Variants in IGF2BP2 observed in about 807,000 individuals in gnomAD.
The protein encoded by IGF2BP2 is insulin like growth factor 2 mRNA binding protein 2.
Under a neutral mutation model 75.8 loss-of-function variants are expected in IGF2BP2, and 17 were observed. The observed-to-expected ratio is 0.22, with a 90% CI of 0.15 to 0.34. The LOEUF (loss-of-function observed/expected upper bound fraction) is 0.34, where lower values mean the gene tolerates loss of function less well. IGF2BP2 is among the 10% of genes least tolerant of loss of function. IGF2BP2 has a pLI of 1.00. For missense variants in IGF2BP2, 516 were observed against 772.4 expected, an observed-to-expected ratio of 0.67 and a Z score of 3.93; for synonymous variants, 288 against 295.6, an observed-to-expected ratio of 0.97 and a Z score of 0.26.
At chr3:185,809,828 T>C (rs906494393) in intron 2 of IGF2BP2, among the ~76,000 whole-genome samples, 2 of 152,172 alleles carry the variant, frequency 1.3e-5, no homozygotes, top group African/African-American at 4.8e-5. Flanking sequence ...AATCTTAATT[T>C]ATCCAAAAAT....
At chr3:185,752,548 TAC>T (rs1731096574) in intron 2 of IGF2BP2, among the ~76,000 whole-genome samples, 1 of 152,194 alleles carries the variant, frequency 6.6e-6, no homozygotes, top group Non-Finnish European at 1.5e-5. Context: ...GAGTACACTT[TAC>T]ACACATTCCC....
At chr3:185,792,756 A>T (rs1736824925) in intron 2 of IGF2BP2, among the ~76,000 whole-genome samples, 1 of 147,412 alleles carries the variant, frequency 6.8e-6, no homozygotes, top group Non-Finnish European at 1.5e-5. Flanking sequence ...AGAGAACAAG[A>T]CTCCGTCTCA....
At chr3:185,768,770 G>A (rs1239708881) in intron 2 of IGF2BP2, among the ~76,000 whole-genome samples, 1 of 152,188 alleles carries the variant, frequency 6.6e-6, no homozygotes, top group African/African-American at 2.4e-5. Flanking sequence ...TGGCTTTTAC[G>A]CCTGTCATCC....
intron 2 of IGF2BP2, among the ~76,000 whole-genome samples, chr3:185,743,307 G>C (rs927518283): frequency 1.3e-5 from 2 of 151,832 alleles, no homozygotes; most frequent in African/African-American, 2.4e-5. Context: ...ACAGAGTCTT[G>C]CTCTGTTGCC....
chr3:185,748,319 T>C (rs560144691), intron 2 of IGF2BP2, among the ~76,000 whole-genome samples: 108 of 152,342 alleles, frequency 7.1e-4, no homozygotes, highest in African/African-American at 2.6e-3. Context: ...ATATACTGCC[T>C]GCCTGTACTC....
In IGF2BP2 at chr3:185,672,597, A is replaced by T; in HGVS notation, c.1144T>A (p.Ser382Thr). ...GCTCCGCGGGGCCCTGCTGGTGGAGATAGCACGGACAGTCCTGTTGAAAAG... is the reference window on the plus strand; with the variant it reads ...GCTCCGCGGGGCCCTGCTGGTGGAGTTAGCACGGACAGTCCTGTTGAAAAG... ...GIFSTGLSVL[S>T]PPAGPRGAPP... is the part of the protein sequence containing the mutation. The change falls in exon 10 of 16, where the codon TCT becomes ACT. Residue 382 changes from serine (S) to threonine (T), a missense_variant. Ser to Thr is a moderately conservative substitution (Grantham distance 58). This residue lies in a region of IGF2BP2 where 75 missense variants were observed against 67.4 expected (regional missense o/e 1.11). Transcript: ENST00000382199. 1 of 1,613,576 alleles carries T rather than the reference A, an allele frequency of 6.2e-7. No homozygotes were observed. The highest frequency in any genetic ancestry group is 2.2e-5 in the East Asian group (1 of 44,876).
intron 2 of IGF2BP2, among the ~76,000 whole-genome samples, chr3:185,783,146 G>A (rs1233537251): frequency 1.3e-5 from 2 of 152,204 alleles, no homozygotes; most frequent in South Asian, 4.1e-4. Flanking sequence ...ATGATTCACA[G>A]TTGAGACACA....
rs1491443229 is a variant in IGF2BP2 at position 185,810,781 on chromosome 3, AAC to A, written c.239+12370_239+12371del. ...AGCGAGACTCTGTCTCAAAAAAAAA[AAC>A]AACAAAAAACAAAAACTAAAAAACA... On this transcript the variant is annotated intron_variant, in intron 2 of 15. Transcript: ENST00000382199. Among the ~76,000 whole-genome samples the A allele has an allele frequency of 1.7e-4, 24 of 138,772 alleles. 1 individual carries two copies. Among genetic ancestry groups the A allele is most frequent in the African/African-American group, 4.1e-4 (13 of 32,054 alleles). The allele number at this position is 138,772 out of a possible 152,430, so 91.0% of individuals were successfully genotyped here. A position where few individuals can be genotyped will look rare whatever the true frequency, so the allele number is the denominator to read the frequency against.
At chr3:185,748,945 C>T (rs1730613146) in intron 2 of IGF2BP2, among the ~76,000 whole-genome samples, 1 of 152,214 alleles carries the variant, frequency 6.6e-6, no homozygotes, top group Non-Finnish European at 1.5e-5. Flanking sequence ...AGGCTGATCA[C>T]TTGAGGTCAG....
intron 10 of IGF2BP2, among the ~76,000 whole-genome samples, chr3:185,670,856 C>T (rs1718398214): frequency 6.6e-6 from 1 of 152,196 alleles, no homozygotes; most frequent in African/African-American, 2.4e-5. Flanking sequence ...AGGCGTGAGC[C>T]ATCATGCCCG....
chr3:185,659,221 C>T (rs1169170677), intron 10 of IGF2BP2, among the ~76,000 whole-genome samples: 1 of 149,008 alleles, frequency 6.7e-6, no homozygotes, highest in Non-Finnish European at 1.5e-5. Context: ...AAGGCCCTGT[C>T]TCCATAAGAA....
At chr3:185,695,745 A>C (rs1028719332) in intron 4 of IGF2BP2, among the ~76,000 whole-genome samples, 5 of 152,214 alleles carry the variant, frequency 3.3e-5, no homozygotes, top group Non-Finnish European at 7.3e-5. Context: ...ACTGCTCCTG[A>C]GACAGGTGTT....
intron 2 of IGF2BP2, among the ~76,000 whole-genome samples, chr3:185,790,068 C>CT (rs1486970953): frequency 1.3e-5 from 2 of 152,074 alleles, no homozygotes; most frequent in African/African-American, 4.8e-5. Context: ...GCTGAGGAGG[C>CT]TGACTGACCT....
chr3:185,682,956 A>G (rs1720602282), intron 7 of IGF2BP2, among the ~76,000 whole-genome samples: 1 of 152,210 alleles, frequency 6.6e-6, no homozygotes, highest in African/African-American at 2.4e-5. Context: ...TATCCACAAG[A>G]ATTGAAAAGA....
intron 6 of IGF2BP2, 29 bp downstream of exon 6, chr3:185,689,326 G>C (rs1553860282): frequency 1.9e-6 from 3 of 1,603,838 alleles, no homozygotes; most frequent in Non-Finnish European, 2.6e-6. Context: ...CCCTCAGAAG[G>C]AAGCAAAGGA....
At chr3:185,801,549 T>C (rs1438177989) in intron 2 of IGF2BP2, among the ~76,000 whole-genome samples, 9 of 135,564 alleles carry the variant, frequency 6.6e-5, no homozygotes, top group Non-Finnish European at 1.3e-4. Context: ...TGTGGAGAAA[T>C]AGGAACACTT....
chr3:185,728,784 G>A (rs1727719735), intron 2 of IGF2BP2: 1 of 152,262 alleles, frequency 6.6e-6, no homozygotes, highest in Non-Finnish European at 1.5e-5. Context: ...AAAACCCCGA[G>A]TCATGCTCTT....
chr3:185,809,693 C>G (rs923254476), intron 2 of IGF2BP2, among the ~76,000 whole-genome samples: 1 of 151,804 alleles, frequency 6.6e-6, no homozygotes, highest in African/African-American at 2.4e-5. Flanking sequence ...GTTTTAAAAA[C>G]CCATTCACAA....
chr3:185,770,941 G>C (rs1413833130), intron 2 of IGF2BP2, among the ~76,000 whole-genome samples: 2 of 152,094 alleles, frequency 1.3e-5, no homozygotes, highest in African/African-American at 4.8e-5. Flanking sequence ...GGTAGAGAGG[G>C]AGACTCACTA....
Sources: allele counts gnomAD v4.1 joint callset (sites outside exome capture counted in the v4.1 genomes callset), GRCh38; gene constraint gnomAD v4.1.1; regional missense constraint gnomAD v4.1.1; transcripts MANE v1.5; gene names NCBI Gene and HGNC (gene_info 2026-07-23, HGNC 2026-07-21).